The following VIT variants were observed in gnomAD, a reference collection of about 807,000 sequenced individuals.
VIT encodes vitrin.
VIT carries 99 observed loss-of-function variants against 78.0 expected under a neutral mutation model. That is an observed-to-expected ratio of 1.27 (90% CI 1.08 to 1.50). The LOEUF (loss-of-function observed/expected upper bound fraction) is 1.50. Ranked by LOEUF, VIT falls within the 40% of genes most tolerant of loss-of-function variation. VIT has a pLI of 0.00. For synonymous variants in VIT, 374 were observed against 334.3 expected (o/e 1.12, Z -1.29); for missense variants, 1,126 against 875.3 (o/e 1.29, Z -3.61).
At chr2:36,751,671 G>A (rs1668473140) in intron 4 of VIT, among the ~76,000 whole-genome samples, 2 of 152,106 alleles carry the variant, frequency 1.3e-5, no homozygotes, top group South Asian at 4.1e-4. Context: ...TTAGAGTGTA[G>A]GAACTTGGTG....
intron 9 of VIT, among the ~76,000 whole-genome samples, chr2:36,781,454 C>A (rs1664744932): frequency 6.6e-6 from 1 of 152,110 alleles, no homozygotes; most frequent in African/African-American, 2.4e-5. Context: ...ATTTTTAGTT[C>A]CTTTTGAATC....
intron 6 of VIT, among the ~76,000 whole-genome samples, chr2:36,766,762 CA>C (rs796477770): frequency 6.6e-6 from 1 of 151,190 alleles, no homozygotes; most frequent in Non-Finnish European, 1.5e-5. Flanking sequence ...AAAACAAAAA[CA>C]AAAAAAAATG....
At chr2:36,811,467 A>C (rs116597087) in intron 15 of VIT, among the ~76,000 whole-genome samples, 88 of 152,294 alleles carry the variant, frequency 5.8e-4, no homozygotes, top group African/African-American at 2.0e-3. Context: ...ACTAGGACCA[A>C]AATATGCAAA....
At chr2:36,788,000 G>A in intron 12 of VIT, 4 of 311,510 alleles carry the variant, frequency 1.3e-5, no homozygotes, top group African/African-American at 2.2e-5. Context: ...GATATGAATA[G>A]GTTTCTCACT....
rs1666944943 is a variant in VIT at position 36,727,815 on chromosome 2, C to A, written c.53-1611C>A. Among the ~76,000 whole-genome samples, 3 of 152,336 alleles carry A rather than the reference C, an allele frequency of 2.0e-5. No homozygotes were observed. In the South Asian group the frequency reaches 6.2e-4, roughly 32 times the overall value. ...CATGTGTGTGGTGATGTTGTGTAAA[C>A]AAGCCTACTGAGCCGCCAGCTGCCA... On this transcript the variant is annotated intron_variant, in intron 2 of 15. Transcript: ENST00000379242.
intron 7 of VIT, among the ~76,000 whole-genome samples, chr2:36,768,971 G>A (rs80339726): frequency 2.3e-3 from 354 of 152,120 alleles, no homozygotes; most frequent in Non-Finnish European, 3.7e-3. Context: ...TAAGAATACC[G>A]CAAAAAGAAT....
At chr2:36,743,028 G>C in intron 3 of VIT, 72 bp from the exon 4 acceptor site, 1 of 1,583,610 alleles carries the variant, frequency 6.3e-7, no homozygotes, top group Non-Finnish European at 8.6e-7. Context: ...CAATAGTTGA[G>C]ACCTAACAGT....
chr2:36,710,212 A>G (rs1402953805), intron 1 of VIT, among the ~76,000 whole-genome samples: 1 of 152,146 alleles, frequency 6.6e-6, no homozygotes, highest in East Asian at 1.9e-4. Flanking sequence ...GAGTTTTTTC[A>G]TTATTTCATT....
At chr2:36,786,628 A>G (rs1272550794) in intron 11 of VIT, among the ~76,000 whole-genome samples, 2 of 152,250 alleles carry the variant, frequency 1.3e-5, no homozygotes, top group Non-Finnish European at 2.9e-5. Context: ...AGGGAAATGA[A>G]GGAGAAGATT....
intron 13 of VIT, among the ~76,000 whole-genome samples, chr2:36,802,330 C>G (rs150493106): frequency 1.1e-3 from 173 of 152,304 alleles, no homozygotes; most frequent in African/African-American, 3.9e-3. Context: ...CTGTCCACCT[C>G]TCGGGGAAAG....
At chr2:36,741,474 A>T (rs1667831043) in intron 3 of VIT, among the ~76,000 whole-genome samples, 1 of 152,162 alleles carries the variant, frequency 6.6e-6, no homozygotes, top group Non-Finnish European at 1.5e-5. Context: ...CTGAGTAGCA[A>T]AGATTGTCTG....
At chr2:36,771,526 A>C (rs1340573976) in intron 7 of VIT, among the ~76,000 whole-genome samples, 1 of 143,910 alleles carries the variant, frequency 6.9e-6, no homozygotes, top group Non-Finnish European at 1.5e-5. Flanking sequence ...ACTTCATCTC[A>C]AAAAAAAAAA....
chr2:36,797,944 T>C (rs944979937), intron 12 of VIT, among the ~76,000 whole-genome samples: 4 of 151,816 alleles, frequency 2.6e-5, no homozygotes, highest in African/African-American at 7.3e-5. Flanking sequence ...GTAAGGGAGA[T>C]GGGTCGCTGA....
intron 8 of VIT, chr2:36,774,618 G>A: frequency 1.0e-6 from 1 of 985,418 alleles, no homozygotes; most frequent in Non-Finnish European, 1.2e-6. Context: ...ATAGGAACAG[G>A]GGCCCAATGG....
intron 4 of VIT, among the ~76,000 whole-genome samples, chr2:36,744,739 G>A (rs1668034397): frequency 6.6e-6 from 1 of 152,056 alleles, no homozygotes; most frequent in Admixed American, 6.6e-5. Context: ...TGCATAGTTT[G>A]CAAATATTTT....
At chr2:36,767,872 G>A (rs1240972219) in intron 7 of VIT, among the ~76,000 whole-genome samples, 1 of 152,200 alleles carries the variant, frequency 6.6e-6, no homozygotes, top group Non-Finnish European at 1.5e-5. Context: ...ACCATCCTAA[G>A]TTAATAAGCA....
At chr2:36,800,920 T>C (rs1572565802) in intron 12 of VIT, among the ~76,000 whole-genome samples, 1 of 151,262 alleles carries the variant, frequency 6.6e-6, no homozygotes, top group South Asian at 2.1e-4. Context: ...GAGAGGGGGG[T>C]CTGGGGTAGG....
rs576394219 is a variant in VIT, at chr2:36,787,381, G to A, written c.1058+105G>A. The A allele has an allele frequency of 2.6e-5, 37 of 1,421,016 alleles. No individual in the cohort carries two copies. The African/African-American group carries it at 5.0e-4, about 19-fold the overall frequency. The allele number at this position is 1,421,016 out of a possible 1,614,324, so 88.0% of individuals were successfully genotyped here. A position where few individuals can be genotyped will look rare whatever the true frequency, so the allele number is the denominator to read the frequency against. On this transcript the variant is annotated intron_variant, in intron 12 of 15. Transcript: ENST00000379242. Reference sequence around the variant, plus strand: ...CCACAAATATTACCAACATGTCCTTGAGCACAGATTTGTTCTCTTCCCTAA... The same window carrying A: ...CCACAAATATTACCAACATGTCCTTAAGCACAGATTTGTTCTCTTCCCTAA...
intron 9 of VIT, among the ~76,000 whole-genome samples, chr2:36,777,421 C>T (rs963865982): frequency 2.6e-5 from 4 of 151,946 alleles, no homozygotes; most frequent in African/African-American, 7.3e-5. Flanking sequence ...CTTGGCAGTA[C>T]ACCCTCTAAC....
Sources: gnomAD v4.1 joint callset for allele counts (sites outside exome capture counted in the v4.1 genomes callset) on GRCh38, gnomAD v4.1.1 for gene constraint, MANE v1.5 for transcripts, NCBI Gene and HGNC (gene_info 2026-07-23, HGNC 2026-07-21) for gene names.